Variants in CSTPP1 observed in about 807,000 individuals in gnomAD.
CSTPP1 encodes the protein centriolar satellite-associated tubulin polyglutamylase complex regulator 1.
chr11:47,052,232 C>T, the CSTPP1 span: 3 of 914,192 alleles, frequency 3.3e-6, no homozygotes, highest in Admixed American at 5.7e-5. Context: ...AGAGACTTCC[C>T]CATAGAAGGA....
At chr11:47,012,145 C>T in the CSTPP1 span, among the ~76,000 whole-genome samples, 1 of 151,696 alleles carries the variant, frequency 6.6e-6, no homozygotes, top group Non-Finnish European at 1.5e-5. Flanking sequence ...TAGTGGCACA[C>T]ACCTATAGTC....
At chr11:46,948,109 T>G in the CSTPP1 span, 2 of 456,280 alleles carry the variant, frequency 4.4e-6, no homozygotes, top group Non-Finnish European at 8.8e-6. Context: ...ATGGAGAGGC[T>G]GCCAGAACCG....
the CSTPP1 span, among the ~76,000 whole-genome samples, chr11:47,029,065 A>C: frequency 6.6e-6 from 1 of 151,642 alleles, no homozygotes; most frequent in East Asian, 1.9e-4. Context: ...AGCTGATCTC[A>C]AACTCCTAGG....
At chr11:46,995,776 G>A in the CSTPP1 span, among the ~76,000 whole-genome samples, 1 of 152,182 alleles carries the variant, frequency 6.6e-6, no homozygotes, top group Non-Finnish European at 1.5e-5. Context: ...GGAGAGTTCT[G>A]TAGATGTCTA....
the CSTPP1 span, among the ~76,000 whole-genome samples, chr11:47,030,061 A>G: frequency 6.6e-6 from 1 of 152,160 alleles, no homozygotes; most frequent in South Asian, 2.1e-4. Flanking sequence ...TAGGAATTTG[A>G]AGCTGCAGTG....
chr11:46,962,936 G>A, the CSTPP1 span, among the ~76,000 whole-genome samples: 20 of 152,012 alleles, frequency 1.3e-4, no homozygotes, highest in Non-Finnish European at 2.5e-4. Flanking sequence ...CCTGGGCAAC[G>A]GGAGTGAGAC....
At chr11:47,107,937 G>C in the CSTPP1 span, among the ~76,000 whole-genome samples, 5 of 152,212 alleles carry the variant, frequency 3.3e-5, no homozygotes, top group African/African-American at 1.2e-4. Context: ...ATACTTCTCT[G>C]TGGCCAGGCA....
chr11:47,142,884 C>A, the CSTPP1 span, among the ~76,000 whole-genome samples: 1 of 152,208 alleles, frequency 6.6e-6, no homozygotes, highest in African/African-American at 2.4e-5. Context: ...GGAAACTTAC[C>A]CACTCCTCAC....
the CSTPP1 span, among the ~76,000 whole-genome samples, chr11:47,093,542 A>G: frequency 1.3e-5 from 2 of 152,210 alleles, no homozygotes; most frequent in African/African-American, 4.8e-5. Context: ...ACAATACTTA[A>G]GTAAGTTTTT....
At chr11:47,164,075 T>C in the CSTPP1 span, 1 of 1,596,038 alleles carries the variant, frequency 6.3e-7, no homozygotes, top group Non-Finnish European at 8.5e-7. Context: ...TGCCAGCTCT[T>C]TCCTCTGCGT....
chr11:47,158,018 A>G, the CSTPP1 span: 1 of 1,110,492 alleles, frequency 9.0e-7, no homozygotes, highest in South Asian at 1.3e-5. Context: ...GGGAAGGGGC[A>G]TCACCATCTC....
chr11:47,004,547 C>G, the CSTPP1 span: 2 of 152,122 alleles, frequency 1.3e-5, no homozygotes, highest in Non-Finnish European at 2.9e-5. Flanking sequence ...CTAAAACATT[C>G]AATGATTGCC....
chr11:47,021,746 TG>T, the CSTPP1 span, among the ~76,000 whole-genome samples: 1 of 152,190 alleles, frequency 6.6e-6, no homozygotes, highest in Non-Finnish European at 1.5e-5. Flanking sequence ...AAAAGAGATC[TG>T]GGGGGCTCTC....
the CSTPP1 span, among the ~76,000 whole-genome samples, chr11:47,117,107 T>C: frequency 6.6e-6 from 1 of 152,254 alleles, no homozygotes; most frequent in Non-Finnish European, 1.5e-5. Flanking sequence ...GTCTGTGTCT[T>C]TTAATTGGGG....
the CSTPP1 span, chr11:47,161,081 C>T: frequency 6.2e-7 from 1 of 1,612,314 alleles, no homozygotes; most frequent in Admixed American, 1.7e-5. Context: ...TGTTGCCTGG[C>T]TGAAGGGCCC....
chr11:47,038,142 C>A, the CSTPP1 span, among the ~76,000 whole-genome samples: 1 of 28,606 alleles, frequency 3.5e-5, no homozygotes, highest in Non-Finnish European at 9.1e-5. Flanking sequence ...GCGGCTGGCC[C>A]GGGCGGGGGG....
At chr11:47,107,044 T>C in the CSTPP1 span, among the ~76,000 whole-genome samples, 1 of 152,174 alleles carries the variant, frequency 6.6e-6, no homozygotes, top group South Asian at 2.1e-4. Flanking sequence ...CCCCCAAACC[T>C]TGAAGCTTTT....
the CSTPP1 span, among the ~76,000 whole-genome samples, chr11:46,951,899 C>G: frequency 6.6e-6 from 1 of 152,132 alleles, no homozygotes; most frequent in African/African-American, 2.4e-5. Context: ...TCTCCCTGCT[C>G]CCACACCAGT....
chr11:47,042,031 C>A, the CSTPP1 span: 1 of 170,618 alleles, frequency 5.9e-6, no homozygotes, highest in Non-Finnish European at 1.3e-5. Context: ...GACCCCATCT[C>A]TACAAAAAAA....
Sources: allele counts gnomAD v4.1 joint callset (sites outside exome capture counted in the v4.1 genomes callset), GRCh38; gene constraint gnomAD v4.1.1; transcripts MANE v1.5; gene names NCBI Gene and HGNC (gene_info 2026-07-23, HGNC 2026-07-21).